The following ZNF516 variants were observed in gnomAD, a reference collection of about 807,000 sequenced individuals.
The protein encoded by ZNF516 is zinc finger protein 516.
ZNF516 carries 19 observed loss-of-function variants against 79.7 expected under a neutral mutation model. That is an observed-to-expected ratio of 0.24 (90% confidence interval 0.17 to 0.35). The LOEUF (loss-of-function observed/expected upper bound fraction) is 0.35, where lower values mean the gene tolerates loss of function less well. ZNF516 is among the 10% of genes least tolerant of loss of function. The pLI is 1.00. For synonymous variants in ZNF516, 877 were observed against 739.5 expected (o/e 1.19, Z -3.02); for missense variants, 1,678 against 1,679.5 (o/e 1.00, Z 0.02).
intron 1 of ZNF516, among the ~76,000 whole-genome samples, chr18:76,484,897 C>G (rs1005517360): frequency 6.6e-6 from 1 of 152,196 alleles, no homozygotes; most frequent in African/African-American, 2.4e-5. Context: ...AAACCATTAA[C>G]AGATTCTGCT....
intron 3 of ZNF516, among the ~76,000 whole-genome samples, chr18:76,438,734 T>A (rs2075777672): frequency 6.6e-6 from 1 of 152,230 alleles, no homozygotes; most frequent in South Asian, 2.1e-4. Flanking sequence ...TGCAAATTAT[T>A]TCCAGATCCA....
At position 76,459,172 on chromosome 18, in the gene ZNF516, G is replaced by C. The variant is rs115071578; in HGVS notation, c.-158+3856C>G. Among the ~76,000 whole-genome samples the C allele has an allele frequency of 0.021, 3,126 of 152,354 alleles. 121 individuals carry two copies. The highest frequency in any genetic ancestry group is 0.071 in the African/African-American group (2,970 of 41,574). On this transcript the variant is annotated intron_variant, in intron 2 of 6. Transcript: ENST00000443185. The surrounding 1 kb of genome is among the most constrained non-coding windows in gnomAD (Gnocchi z 5.0). ...TCGCACAGAGCCAGACGCTGCAGCAGTAACGGGGCGCCGGGCCCACCTGCT... is the reference window on the plus strand; with the variant it reads ...TCGCACAGAGCCAGACGCTGCAGCACTAACGGGGCGCCGGGCCCACCTGCT...
rs1431787857 is a variant in ZNF516 at position 76,467,969 on chromosome 18, G to A, written c.-271-4828C>T. On this transcript the variant is annotated intron_variant, in intron 1 of 6. Coordinates refer to ENST00000443185, the MANE Select transcript of ZNF516 (RefSeq NM_014643.4). The surrounding 1 kb of genome is among the most constrained non-coding windows in gnomAD (Gnocchi z 4.2). ...CTTGCAAGCAAAGAGTAGCTGCGGC[G>A]CATTCCAGACCTCCCTACGGACAGC... Among the ~76,000 whole-genome samples, 4 of 152,146 alleles carry A rather than the reference G, an allele frequency of 2.6e-5. No individual in the cohort carries two copies. Among genetic ancestry groups the A allele is most frequent in the Admixed American group, 1.3e-4 (2 of 15,278 alleles).
chr18:76,428,662 C>T (rs1163320239), intron 3 of ZNF516, among the ~76,000 whole-genome samples: 1 of 150,916 alleles, frequency 6.6e-6, no homozygotes, highest in Admixed American at 6.6e-5. Context: ...GCGCTTACTA[C>T]GTACCAAAAC....
At chr18:76,434,650 T>C (rs1226142831) in intron 3 of ZNF516, among the ~76,000 whole-genome samples, 1 of 152,182 alleles carries the variant, frequency 6.6e-6, no homozygotes, top group East Asian at 1.9e-4. Flanking sequence ...GCGTACAACA[T>C]GGGCACAAGT....
At position 76,441,393 on chromosome 18, in the gene ZNF516, G is replaced by A; in HGVS notation, c.1662C>T (p.Ala554=). 6.2e-7 allele frequency: 1 copy of A among 1,609,576 alleles called. No individual in the cohort carries two copies. The highest frequency in any genetic ancestry group is 8.5e-7 in the Non-Finnish European group (1 of 1,178,700). The change falls in exon 3 of 7, where the codon GCC becomes GCT. Residue 554 remains alanine (A), a synonymous_variant. Coordinates refer to ENST00000443185, the MANE Select transcript of ZNF516 (RefSeq NM_014643.4). ...CACCCTCACTGAGTGATCCGCAGCG[G>A]GCCCGCGCCGCCCTGTCCCCGTCAC... ...RDSDGDRAAR[A]RCGSLSEGDS...
At chr18:76,429,309 G>T (rs1431439282) in intron 3 of ZNF516, among the ~76,000 whole-genome samples, 4 of 152,220 alleles carry the variant, frequency 2.6e-5, no homozygotes, top group African/African-American at 9.6e-5. Context: ...CTCCTGGCCT[G>T]GGATTTTGTC....
Position 76,442,592 on chromosome 18 carries a change from TCCG to T in ZNF516, c.460_462del (p.Arg154del). The T allele has an allele frequency of 6.3e-7, 1 of 1,597,842 alleles. No individual in the cohort carries two copies. The highest frequency in any genetic ancestry group is 2.2e-5 in the East Asian group (1 of 44,854). The stretch of plus-strand genomic sequence containing the variant: ...GACCCCTCTGCCCCCTTCTTGCTGC[TCCG>T]CAGCAGGACTCTGCCGCTGTCGGCC... On this transcript the variant is annotated inframe_deletion, in exon 3 of 7. Coordinates refer to ENST00000443185, the MANE Select transcript of ZNF516 (RefSeq NM_014643.4).
In ZNF516 at chr18:76,459,504, C is replaced by A. The variant is rs1184654584; in HGVS notation, c.-158+3524G>T. Among the ~76,000 whole-genome samples the A allele has an allele frequency of 6.6e-6, 1 of 152,234 alleles. No individual in the cohort carries two copies. The highest frequency in any genetic ancestry group is 2.4e-5 in the African/African-American group (1 of 41,466). ...AGCCCAGGATTTGTGCCATTCAGGA[C>A]GTGGCGGCCGTGTGCACCCCATCGG... On this transcript the variant is annotated intron_variant, in intron 2 of 6. Coordinates refer to ENST00000443185, the MANE Select transcript of ZNF516 (RefSeq NM_014643.4). The surrounding 1 kb of genome is among the most constrained non-coding windows in gnomAD (Gnocchi z 5.0).
chr18:76,492,748 C>T (rs76906168), intron 1 of ZNF516: 1 of 985,482 alleles, frequency 1.0e-6, no homozygotes, highest in African/African-American at 1.7e-5. Flanking sequence ...TTTTCTCCCC[C>T]TTCTGCAGGT....
chr18:76,494,368 G>A (rs1475496713), intron 1 of ZNF516, among the ~76,000 whole-genome samples: 1 of 115,128 alleles, frequency 8.7e-6, no homozygotes, highest in East Asian at 2.9e-4. Context: ...TCTCGCCACC[G>A]AGGCCTCCCC....
intron 3 of ZNF516, among the ~76,000 whole-genome samples, chr18:76,397,320 T>C (rs554848914): frequency 6.6e-5 from 10 of 152,044 alleles, no homozygotes; most frequent in African/African-American, 2.2e-4. Context: ...TCTAAAGAAA[T>C]GTCTTCAAGA....
At chr18:76,460,747 G>C (rs1913048465) in intron 2 of ZNF516, among the ~76,000 whole-genome samples, 1 of 152,196 alleles carries the variant, frequency 6.6e-6, no homozygotes, top group African/African-American at 2.4e-5. Context: ...CCCCGAGAGA[G>C]AGATCACTTG....
chr18:76,370,612 T>G lies in ZNF516; in HGVS notation c.3365-17A>C. ...CAAACACCACTGTGGGAACAAGGGG[T>G]TTGTTAACAGATCAGCGTGTGAGCT... On this transcript the variant is annotated splice_polypyrimidine_tract_variant and intron_variant, in intron 5 of 6. Coordinates refer to ENST00000443185, the MANE Select transcript of ZNF516 (RefSeq NM_014643.4). The G allele has an allele frequency of 6.3e-7, 1 of 1,586,538 alleles. No individual in the cohort carries two copies. Among genetic ancestry groups the G allele is most frequent in the Non-Finnish European group, 8.6e-7 (1 of 1,165,212 alleles).
intron 1 of ZNF516, among the ~76,000 whole-genome samples, chr18:76,489,654 AATT>A (rs1290848579): frequency 6.6e-6 from 1 of 152,156 alleles, no homozygotes; most frequent in Non-Finnish European, 1.5e-5. Flanking sequence ...AAAATCTCTA[AATT>A]AGTAGACTCT....
intron 4 of ZNF516, 81 bp downstream of exon 4, chr18:76,378,774 G>A (rs1482582722): frequency 1.3e-6 from 2 of 1,515,496 alleles, no homozygotes; most frequent in South Asian, 1.3e-5. Flanking sequence ...TGGACAGGCA[G>A]GTGCGCAGCA....
chr18:76,435,587 A>G (rs1201411881), intron 3 of ZNF516, among the ~76,000 whole-genome samples: 1 of 152,200 alleles, frequency 6.6e-6, no homozygotes, highest in African/African-American at 2.4e-5. Context: ...TCTGCATGTG[A>G]CTGTCAACTA....
chr18:76,455,533 T>C (rs966820532), intron 2 of ZNF516, among the ~76,000 whole-genome samples: 2 of 152,106 alleles, frequency 1.3e-5, no homozygotes, highest in African/African-American at 4.8e-5. Flanking sequence ...CTGCTCCCAT[T>C]CAGCAGGGTG....
At chr18:76,365,585 G>A (rs1357220303) in intron 6 of ZNF516, among the ~76,000 whole-genome samples, 1 of 152,178 alleles carries the variant, frequency 6.6e-6, no homozygotes. Flanking sequence ...GTGCTAAATG[G>A]ATGACCAAGC....
Sources: allele counts gnomAD v4.1 joint callset (sites outside exome capture counted in the v4.1 genomes callset), GRCh38; gene constraint gnomAD v4.1.1; non-coding constraint Gnocchi (gnomAD v3.1); transcripts MANE v1.5; gene names NCBI Gene and HGNC (gene_info 2026-07-23, HGNC 2026-07-21).